The following NCOA1 variants were observed in gnomAD, a reference collection of about 807,000 sequenced individuals.
NCOA1 encodes the protein nuclear receptor coactivator 1.
A neutral mutation model predicts 150.9 loss-of-function variants in NCOA1; 35 were observed. That is an observed-to-expected ratio of 0.23 (90% CI 0.18 to 0.31). The LOEUF is 0.31. Ranked by LOEUF, NCOA1 falls within the 10% of genes least tolerant of loss-of-function variation. The probability of loss-of-function intolerance (pLI) is 1.00; values close to 1 mark genes in which losing one functional copy is unlikely to be tolerated. For missense variants in NCOA1, 1,491 were observed against 1,749.3 expected, an observed-to-expected ratio of 0.85 and a Z score of 2.63; for synonymous variants, 590 against 630.0, an observed-to-expected ratio of 0.94 and a Z score of 0.95.
chr2:24,529,468 C>T (rs540131839), intron 1 of NCOA1, among the ~76,000 whole-genome samples: 2 of 152,298 alleles, frequency 1.3e-5, no homozygotes, highest in South Asian at 4.1e-4. Context: ...GCTAGGACTA[C>T]AGGTGTGTGT....
intron 2 of NCOA1, among the ~76,000 whole-genome samples, chr2:24,578,571 T>C (rs964237278): frequency 6.6e-6 from 1 of 151,920 alleles, no homozygotes; most frequent in Non-Finnish European, 1.5e-5. Flanking sequence ...AGGAAAAGAG[T>C]TCAACATCAT....
intron 8 of NCOA1, among the ~76,000 whole-genome samples, chr2:24,684,191 A>G (rs1162710020): frequency 2.0e-5 from 3 of 152,316 alleles, no homozygotes; most frequent in South Asian, 2.1e-4. Flanking sequence ...CTTTTGCTCT[A>G]CTGTTCACAA....
chr2:24,595,457 C>T (rs185001417), intron 3 of NCOA1, among the ~76,000 whole-genome samples: 52 of 152,130 alleles, frequency 3.4e-4, no homozygotes, highest in African/African-American at 1.0e-3. Flanking sequence ...GGAGTCTTGA[C>T]GCTTTCCATC....
chr2:24,742,277 A>T, intron 19 of NCOA1, 91 bp downstream of exon 19: 1 of 1,424,816 alleles, frequency 7.0e-7, no homozygotes, highest in Non-Finnish European at 9.5e-7. Context: ...ACATTAAAAT[A>T]GTGTGTGGAA....
intron 3 of NCOA1, among the ~76,000 whole-genome samples, chr2:24,589,753 G>C (rs1177614289): frequency 6.6e-6 from 1 of 152,112 alleles, no homozygotes; most frequent in Non-Finnish European, 1.5e-5. Flanking sequence ...TTAGTGGGAA[G>C]TGAAGCTGAC....
chr2:24,650,971 T>C (rs982439322), intron 4 of NCOA1, among the ~76,000 whole-genome samples: 3 of 152,108 alleles, frequency 2.0e-5, no homozygotes, highest in Non-Finnish European at 4.4e-5. Flanking sequence ...TTCAAAAATT[T>C]TTGGATTTTG....
chr2:24,522,174 T>G (rs1012381171), intron 1 of NCOA1, among the ~76,000 whole-genome samples: 1 of 152,226 alleles, frequency 6.6e-6, no homozygotes, highest in Non-Finnish European at 1.5e-5. Context: ...ATGGACTGAC[T>G]CATTTTCTCT....
At chr2:24,699,714 T>C (rs554956037) in intron 11 of NCOA1, among the ~76,000 whole-genome samples, 1 of 152,358 alleles carries the variant, frequency 6.6e-6, no homozygotes, top group Non-Finnish European at 1.5e-5. Flanking sequence ...ATATTTTCTA[T>C]TCAGCAGTAT....
chr2:24,606,551 T>C (rs1668378440), intron 3 of NCOA1, among the ~76,000 whole-genome samples: 1 of 152,200 alleles, frequency 6.6e-6, no homozygotes, highest in Non-Finnish European at 1.5e-5. Flanking sequence ...ACCTTCATAA[T>C]GTTAAACTGC....
At chr2:24,642,877 A>G (rs1352393729) in intron 3 of NCOA1, among the ~76,000 whole-genome samples, 1 of 152,200 alleles carries the variant, frequency 6.6e-6, no homozygotes, top group African/African-American at 2.4e-5. Flanking sequence ...AAAAGATTCC[A>G]TGCTATATGA....
chr2:24,575,576 CTT>C (rs763939259), intron 2 of NCOA1, among the ~76,000 whole-genome samples: 13 of 135,616 alleles, frequency 9.6e-5, no homozygotes, highest in East Asian at 2.1e-4. Context: ...TTTTCTTTTT[CTT>C]TTTTTTTTTT....
intron 22 of NCOA1, among the ~76,000 whole-genome samples, chr2:24,765,160 G>C (rs976921248): frequency 8.0e-5 from 12 of 150,148 alleles, no homozygotes; most frequent in African/African-American, 2.9e-4. Flanking sequence ...TTGGGCGACA[G>C]AGGGATACTT....
At chr2:24,493,944 C>G (rs933957905) in intron 1 of NCOA1, among the ~76,000 whole-genome samples, 9 of 152,122 alleles carry the variant, frequency 5.9e-5, no homozygotes, top group African/African-American at 2.2e-4. Flanking sequence ...TTTTGGTGGG[C>G]AGAAGATTGG....
intron 3 of NCOA1, among the ~76,000 whole-genome samples, chr2:24,601,747 C>G (rs1325186999): frequency 1.3e-5 from 2 of 152,064 alleles, no homozygotes; most frequent in African/African-American, 4.8e-5. Flanking sequence ...ATTCTCCTGC[C>G]TCAGCCTTCT....
rs1320432684 is a variant in NCOA1 at position 24,764,071 on chromosome 2, G to T, written c.4155+1295G>T. Among the ~76,000 whole-genome samples, 3 of 152,224 alleles carry T rather than the reference G, an allele frequency of 2.0e-5. No homozygotes were observed. The East Asian group carries it at 5.8e-4, about 29-fold the overall frequency. ...TTCATTTGTGAAATGCTTGTGGTTT[G>T]CCAGGCACTGTGCTATGCACTGTAT... On this transcript the variant is annotated intron_variant, in intron 22 of 22. Transcript: ENST00000348332.
chr2:24,754,134 T>TAATGCAAGCCA (rs1216331016), intron 20 of NCOA1, among the ~76,000 whole-genome samples: 8 of 152,166 alleles, frequency 5.3e-5, no homozygotes, highest in African/African-American at 1.7e-4. Flanking sequence ...ATGTGCACCT[T>TAATGCAAGCCA]AATGCAAGCC....
intron 14 of NCOA1, among the ~76,000 whole-genome samples, chr2:24,715,922 C>T (rs1674013960): frequency 6.6e-6 from 1 of 152,102 alleles, no homozygotes; most frequent in South Asian, 2.1e-4. Context: ...GCAGGCGGAT[C>T]ACAAGGTCAG....
rs1376015817 is a variant in NCOA1, at chr2:24,549,433, C to CCATGTCTTGGTGATTAACATT, written c.-395-14860_-395-14840dup. On this transcript the variant is annotated intron_variant, in intron 1 of 22. Transcript: ENST00000348332. ...CTGACATGCTCTGGAGACATTTTCC[C>CCATGTCTTGGTGATTAACATT]CATGTCTTGGTGATTAACATTCGGC... 1.2e-4 allele frequency among the ~76,000 whole-genome samples: 19 copies of CCATGTCTTGGTGATTAACATT among 152,282 alleles called. No individual in the cohort carries two copies. The East Asian group carries it at 3.5e-3, about 28-fold the overall frequency.
chr2:24,755,797 A>T (rs1421951552), intron 20 of NCOA1, among the ~76,000 whole-genome samples: 7 of 152,276 alleles, frequency 4.6e-5, no homozygotes, highest in Middle Eastern at 3.4e-3. Context: ...TAAGCTCTAA[A>T]TTTTTTTCAA....
Sources: gnomAD v4.1 joint callset for allele counts (sites outside exome capture counted in the v4.1 genomes callset) on GRCh38, gnomAD v4.1.1 for gene constraint, MANE v1.5 for transcripts, NCBI Gene and HGNC (gene_info 2026-07-23, HGNC 2026-07-21) for gene names.